CLNK: variants seen among roughly 807,000 people sequenced by gnomAD.
CLNK encodes cytokine-dependent hematopoietic cell linker.
Under a neutral mutation model 68.6 loss-of-function variants are expected in CLNK, and 74 were observed. The ratio of observed to expected loss-of-function variants is 1.08; its 90% CI spans 0.89 to 1.31. The LOEUF is 1.31. Ranked by LOEUF, CLNK falls within the 50% of genes most tolerant of loss-of-function variation. The probability of loss-of-function intolerance (pLI) is 0.00; values close to 1 mark genes in which losing one functional copy is unlikely to be tolerated. For synonymous variants in CLNK, 198 were observed against 172.2 expected, an observed-to-expected ratio of 1.15 and a Z score of -1.17; for missense variants, 553 against 515.3, an observed-to-expected ratio of 1.07 and a Z score of -0.71.
chr4:10,726,762 A>G, the CLNK span, among the ~76,000 whole-genome samples: 1 of 151,962 alleles, frequency 6.6e-6, no homozygotes, highest in Non-Finnish European at 1.5e-5. Flanking sequence ...ATGCCCCTCC[A>G]CCTCCACCCA....
At chr4:10,492,305 A>G (rs1018100414) in intron 18 of CLNK, among the ~76,000 whole-genome samples, 4 of 152,146 alleles carry the variant, frequency 2.6e-5, no homozygotes, top group African/African-American at 9.7e-5. Context: ...GGTAGAGATG[A>G]CATAGCCTGA....
intron 8 of CLNK, among the ~76,000 whole-genome samples, chr4:10,547,185 C>G (rs531016975): frequency 6.6e-6 from 1 of 152,112 alleles, no homozygotes; most frequent in Non-Finnish European, 1.5e-5. Context: ...GGGATGAGCA[C>G]GAGGAGGAGG....
At chr4:10,610,804 A>G (rs977267560) in intron 2 of CLNK, among the ~76,000 whole-genome samples, 2 of 151,070 alleles carry the variant, frequency 1.3e-5, no homozygotes, top group Non-Finnish European at 2.9e-5. Context: ...ACACACACAC[A>G]CACACACACA....
chr4:10,565,089 G>A (rs1720052174), intron 6 of CLNK, among the ~76,000 whole-genome samples: 1 of 151,972 alleles, frequency 6.6e-6, no homozygotes, highest in Non-Finnish European at 1.5e-5. Context: ...ATCCCACCCA[G>A]TCACACCCCA....
At chr4:10,689,046 G>A (rs921998855), upstream of CLNK, among the ~76,000 whole-genome samples, 2 of 151,726 alleles carry the variant, frequency 1.3e-5, no homozygotes, top group African/African-American at 2.4e-5. Flanking sequence ...GCAACGTGCT[G>A]GGGGAAAAAT....
At chr4:10,666,349 A>C (rs527604912) in intron 2 of CLNK, among the ~76,000 whole-genome samples, 1 of 152,294 alleles carries the variant, frequency 6.6e-6, no homozygotes, top group Admixed American at 6.5e-5. Context: ...TCTATCCTAT[A>C]ATGAAACTGC....
rs554201003 is a variant in CLNK, at chr4:10,622,887, C to T, written c.12-24838G>A. ...CTTCCTGGCTTACAAACAGCCACTTCCTTACTTGGTAGAGAGAGGGAGCTC... is the reference window on the plus strand; with the variant it reads ...CTTCCTGGCTTACAAACAGCCACTTTCTTACTTGGTAGAGAGAGGGAGCTC... On this transcript the variant is annotated intron_variant, in intron 2 of 18. Transcript: ENST00000226951. Among the ~76,000 whole-genome samples, 5 of 152,078 alleles carry T rather than the reference C, an allele frequency of 3.3e-5. 1 individual carries two copies. The highest frequency in any genetic ancestry group is 6.6e-5 in the Admixed American group (1 of 15,266).
intron 2 of CLNK, among the ~76,000 whole-genome samples, chr4:10,611,486 G>C (rs1722018007): frequency 9.6e-6 from 1 of 103,888 alleles, no homozygotes; most frequent in Non-Finnish European, 2.0e-5. Context: ...CACAGAGGGA[G>C]GCTAAGTCTG....
the CLNK span, among the ~76,000 whole-genome samples, chr4:10,734,149 C>T: frequency 5.9e-5 from 9 of 152,106 alleles, no homozygotes; most frequent in East Asian, 1.9e-4. Context: ...CCTTTCTTTA[C>T]GTGGTTTTAT....
the CLNK span, among the ~76,000 whole-genome samples, chr4:10,692,473 T>G: frequency 6.6e-4 from 100 of 152,290 alleles, no homozygotes; most frequent in Admixed American, 2.7e-3. Context: ...ACGCGAACGC[T>G]CTGAGACTGG....
At chr4:10,662,467 G>C (rs1470378590) in intron 2 of CLNK, among the ~76,000 whole-genome samples, 1 of 152,140 alleles carries the variant, frequency 6.6e-6, no homozygotes, top group Non-Finnish European at 1.5e-5. Flanking sequence ...GATTAATTGG[G>C]ATTAATGAAG....
At chr4:10,623,534 A>T (rs1052543886) in intron 2 of CLNK, among the ~76,000 whole-genome samples, 1 of 152,184 alleles carries the variant, frequency 6.6e-6, no homozygotes, top group South Asian at 2.1e-4. Context: ...TAAGCCTCCA[A>T]TTCCTCATCA....
At chr4:10,570,476 T>C (rs1456730078) in intron 5 of CLNK, among the ~76,000 whole-genome samples, 1 of 152,210 alleles carries the variant, frequency 6.6e-6, no homozygotes, top group Admixed American at 6.5e-5. Context: ...TATTATCTAT[T>C]TTCTAACAAT....
intron 2 of CLNK, among the ~76,000 whole-genome samples, chr4:10,659,319 C>T (rs186501789): frequency 2.6e-5 from 4 of 152,330 alleles, no homozygotes; most frequent in African/African-American, 4.8e-5. Flanking sequence ...GTACCAGACA[C>T]GGTGCTACAC....
intron 2 of CLNK, among the ~76,000 whole-genome samples, chr4:10,657,427 A>G (rs1724029714): frequency 6.6e-6 from 1 of 152,250 alleles, no homozygotes; most frequent in Non-Finnish European, 1.5e-5. Flanking sequence ...ATTGTTCTTT[A>G]TGCCTTATGC....
intron 12 of CLNK, among the ~76,000 whole-genome samples, chr4:10,530,620 C>A (rs527360753): frequency 4.6e-5 from 7 of 152,244 alleles, no homozygotes; most frequent in Admixed American, 4.6e-4. Flanking sequence ...CTAAGGCTGA[C>A]CCCCCATCTC....
At chr4:10,670,066 A>G (rs907078370) in intron 1 of CLNK, among the ~76,000 whole-genome samples, 1 of 152,236 alleles carries the variant, frequency 6.6e-6, no homozygotes, top group African/African-American at 2.4e-5. Flanking sequence ...CTCCTAGTTT[A>G]TAAATAGTAG....
intron 17 of CLNK, among the ~76,000 whole-genome samples, chr4:10,503,016 G>T (rs1717117812): frequency 6.6e-6 from 1 of 152,200 alleles, no homozygotes. Context: ...AGATCTGGTT[G>T]TAAAAGATTG....
chr4:10,609,747 T>C (rs1033733921), intron 2 of CLNK, among the ~76,000 whole-genome samples: 3 of 152,234 alleles, frequency 2.0e-5, no homozygotes, highest in Non-Finnish European at 4.4e-5. Flanking sequence ...CATTTGATTT[T>C]AGCTCCTTCT....
Sources: allele counts gnomAD v4.1 joint callset (sites outside exome capture counted in the v4.1 genomes callset), GRCh38; gene constraint gnomAD v4.1.1; transcripts MANE v1.5; gene names NCBI Gene and HGNC (gene_info 2026-07-23, HGNC 2026-07-21).